DPP10: variants seen among roughly 807,000 people sequenced by gnomAD.
The protein encoded by DPP10 is dipeptidyl peptidase like 10.
Under a neutral mutation model 120.9 loss-of-function variants are expected in DPP10, and 33 were observed. That is an observed-to-expected ratio of 0.27 (90% CI 0.21 to 0.37). The LOEUF is 0.37. DPP10 is among the 10% of genes least tolerant of loss of function. DPP10 has a pLI of 1.00. For missense variants in DPP10, 816 were observed against 942.8 expected, an observed-to-expected ratio of 0.87 and a Z score of 1.76; for synonymous variants, 337 against 326.1, an observed-to-expected ratio of 1.03 and a Z score of -0.36.
chr2:115,445,714 T>C (rs1385037076), intron 3 of DPP10, among the ~76,000 whole-genome samples: 3 of 152,118 alleles, frequency 2.0e-5, no homozygotes, highest in Non-Finnish European at 2.9e-5. Context: ...AGCCTGACCA[T>C]GTGGTAGAAA....
intron 3 of DPP10, among the ~76,000 whole-genome samples, chr2:115,414,118 G>A (rs2069175230): frequency 1.3e-5 from 2 of 152,052 alleles, no homozygotes; most frequent in Admixed American, 1.3e-4. Context: ...TACGTGGATG[G>A]TTAATAAAAA....
intron 1 of DPP10, among the ~76,000 whole-genome samples, chr2:114,532,258 T>C (rs1309073933): frequency 3.7e-4 from 6 of 16,372 alleles, no homozygotes; most frequent in Non-Finnish European, 7.8e-4. Context: ...TAAATCTCCA[T>C]ATATATATAT....
intron 3 of DPP10, among the ~76,000 whole-genome samples, chr2:115,470,104 G>A (rs960395585): frequency 6.6e-6 from 1 of 152,016 alleles, no homozygotes; most frequent in African/African-American, 2.4e-5. Flanking sequence ...AATTTGGTTA[G>A]TTACAACAAA....
chr2:115,632,822 A>G (rs1331809740), intron 5 of DPP10, among the ~76,000 whole-genome samples: 2 of 152,212 alleles, frequency 1.3e-5, no homozygotes, highest in Non-Finnish European at 2.9e-5. Flanking sequence ...CAAAAGACAC[A>G]TGAAAAAATG....
chr2:115,561,773 G>A (rs2080696146), intron 5 of DPP10, among the ~76,000 whole-genome samples: 1 of 151,990 alleles, frequency 6.6e-6, no homozygotes, highest in Non-Finnish European at 1.5e-5. Context: ...AAATAAATTG[G>A]AAAAATACAA....
At chr2:115,741,411 C>A (rs1575649167) in intron 9 of DPP10, among the ~76,000 whole-genome samples, 2 of 150,178 alleles carry the variant, frequency 1.3e-5, no homozygotes. Context: ...CTGCTTTCTC[C>A]AATTATAGAT....
intron 1 of DPP10, among the ~76,000 whole-genome samples, chr2:115,304,203 T>A: frequency 6.6e-6 from 1 of 150,634 alleles, no homozygotes; most frequent in Admixed American, 6.6e-5. Flanking sequence ...GAGACCCCAT[T>A]TTTTTTTTAA....
chr2:115,579,775 C>G (rs146138582), intron 5 of DPP10: 201 of 152,334 alleles, frequency 1.3e-3, no homozygotes, highest in African/African-American at 4.5e-3. Context: ...CTCAGTTTCT[C>G]TCTGTCCACA....
intron 2 of DPP10, among the ~76,000 whole-genome samples, chr2:115,339,119 CA>C (rs1300862036): frequency 5.9e-5 from 9 of 152,052 alleles, no homozygotes; most frequent in African/African-American, 2.2e-4. Context: ...ACAAACACAC[CA>C]ACGAAATAAT....
At chr2:114,749,572 T>TATTTTA (rs1553418608) in intron 1 of DPP10, among the ~76,000 whole-genome samples, 1 of 147,682 alleles carries the variant, frequency 6.8e-6, no homozygotes, top group African/African-American at 2.5e-5. Flanking sequence ...TATTTTATTT[T>TATTTTA]ATTTTATTTT....
At chr2:114,533,987 G>A (rs1424438296) in intron 1 of DPP10, among the ~76,000 whole-genome samples, 2 of 152,088 alleles carry the variant, frequency 1.3e-5, no homozygotes, top group Non-Finnish European at 2.9e-5. Flanking sequence ...TCACTGCTGT[G>A]ATATCTCTTT....
chr2:115,514,386 C>T (rs2077391037), intron 4 of DPP10, among the ~76,000 whole-genome samples: 1 of 151,516 alleles, frequency 6.6e-6, no homozygotes, highest in Admixed American at 6.6e-5. Context: ...TCTCTATAGT[C>T]TTTATGGTTT....
intron 5 of DPP10, among the ~76,000 whole-genome samples, chr2:115,531,191 G>A (rs1392035195): frequency 1.4e-5 from 2 of 147,858 alleles, no homozygotes; most frequent in East Asian, 2.0e-4. Context: ...CAATGTACAT[G>A]CTCAGCATAG....
chr2:115,546,663 T>G (rs1053118899), intron 5 of DPP10, among the ~76,000 whole-genome samples: 4 of 152,136 alleles, frequency 2.6e-5, no homozygotes, highest in Admixed American at 2.0e-4. Flanking sequence ...ATTAAACTTA[T>G]CAAAGACCAG....
intron 3 of DPP10, among the ~76,000 whole-genome samples, chr2:115,467,251 A>G (rs182073667): frequency 6.6e-6 from 1 of 151,880 alleles, no homozygotes; most frequent in African/African-American, 2.4e-5. Context: ...ACAACCACAA[A>G]CACATCCACA....
chr2:114,640,466 G>A (rs919947695), intron 1 of DPP10, among the ~76,000 whole-genome samples: 2 of 151,846 alleles, frequency 1.3e-5, no homozygotes, highest in African/African-American at 4.9e-5. Flanking sequence ...AGCAGCCATA[G>A]TGTATGAAGG....
intron 1 of DPP10, among the ~76,000 whole-genome samples, chr2:114,827,867 C>T (rs1281550112): frequency 1.3e-5 from 2 of 152,180 alleles, no homozygotes; most frequent in South Asian, 2.1e-4. Context: ...TCTCTTCCCC[C>T]TCCAGCAATA....
At chr2:114,739,868 G>A (rs1200002666) in intron 1 of DPP10, among the ~76,000 whole-genome samples, 2 of 152,050 alleles carry the variant, frequency 1.3e-5, no homozygotes, top group Non-Finnish European at 2.9e-5. Context: ...CTCAATACAT[G>A]TGTTTTCAGC....
At chr2:115,411,501 A>T (rs1019554876) in intron 3 of DPP10, among the ~76,000 whole-genome samples, 2 of 152,130 alleles carry the variant, frequency 1.3e-5, no homozygotes, top group Non-Finnish European at 2.9e-5. Flanking sequence ...AAAGTATTGA[A>T]AGGGGGAGGG....
Sources: allele counts gnomAD v4.1 joint callset (sites outside exome capture counted in the v4.1 genomes callset), GRCh38; gene constraint gnomAD v4.1.1; transcripts MANE v1.5; gene names NCBI Gene and HGNC (gene_info 2026-07-23, HGNC 2026-07-21).